The following LOXL2 variants were observed in gnomAD, a reference collection of about 807,000 sequenced individuals.
LOXL2 encodes the protein lysyl oxidase homolog 2.
In LOXL2, 70 loss-of-function variants were observed where a neutral mutation model predicts 93.0. The ratio of observed to expected loss-of-function variants is 0.75; its 90% CI spans 0.62 to 0.92. LOXL2 has a LOEUF of 0.92. LOXL2 is among the 40% of genes least tolerant of loss of function. LOXL2 has a pLI of 0.00. For synonymous variants in LOXL2, 438 were observed against 413.2 expected, an observed-to-expected ratio of 1.06 and a Z score of -0.73; for missense variants, 973 against 1,054.9, an observed-to-expected ratio of 0.92 and a Z score of 1.08.
In LOXL2 at chr8:23,341,084, G is replaced by A. The variant is rs373284696; in HGVS notation, c.651C>T (p.Ile217=). 2.5e-6 allele frequency: 4 copies of A among 1,614,002 alleles called. No individual in the cohort carries two copies. Among genetic ancestry groups the A allele is most frequent in the African/African-American group, 2.7e-5 (2 of 74,928 alleles). The part of the protein sequence containing the change: ...EVKEGKTWKQ[I]CDKHWTAKNS... ...TCTTGGCCGTCCAGTGCTTGTCACAGATCTGCTTCCAGGTCTTGCCCTCCT... is the reference window on the plus strand; with the variant it reads ...TCTTGGCCGTCCAGTGCTTGTCACAAATCTGCTTCCAGGTCTTGCCCTCCT... The change falls in exon 4 of 14, where the codon ATC becomes ATT. Residue 217 remains isoleucine, a synonymous_variant. Coordinates refer to ENST00000389131, the MANE Select transcript of LOXL2 (RefSeq NM_002318.3).
intron 4 of LOXL2, among the ~76,000 whole-genome samples, chr8:23,334,726 A>G (rs1028030450): frequency 6.6e-6 from 1 of 151,656 alleles, no homozygotes; most frequent in Non-Finnish European, 1.5e-5. Flanking sequence ...TAGATTGGCT[A>G]CCAAAAAGGA....
chr8:23,368,087 A>T lies in LOXL2; in HGVS notation c.265T>A (p.Ser89Thr), dbSNP rs1427834673. 1.9e-6 allele frequency: 3 copies of T among 1,614,064 alleles called. No homozygotes were observed. The South Asian group carries it at 3.3e-5, about 18-fold the overall frequency. Residue 89 changes from serine (S) to threonine (T), a missense_variant, in exon 2 of 14, where the codon TCC (serine) becomes ACC (threonine). Physicochemically the swap from Ser to Thr is moderately conservative, Grantham distance 58 (BLOSUM62 1). Transcript: ENST00000389131. ...CAGACGACGTGGGCAGCGTGGATGG[A>T]GAAGTCGTCATCGCACACGGTGCCC... ...QWGTVCDDDF[S>T]IHAAHVVCRE...
chr8:23,364,167 C>T (rs1467706121), intron 2 of LOXL2: 2 of 150,970 alleles, frequency 1.3e-5, no homozygotes, highest in African/African-American at 4.9e-5. Flanking sequence ...TGAGCCACTG[C>T]AAAGGGCCCT....
intron 8 of LOXL2, 130 bp downstream of exon 8, chr8:23,319,755 G>T (rs1585348399): frequency 9.9e-7 from 1 of 1,010,414 alleles, no homozygotes; most frequent in Non-Finnish European, 1.4e-6. Flanking sequence ...CCTGCCTCTG[G>T]GTCCAGGGCA....
rs745663415 is a variant in LOXL2, at chr8:23,297,950, G to T, written c.*93C>A. ...AGGGTGGGGGCCGGGCTGGGTGAGG[G>T]CACGTGGCATTCGTTCAGACTCAGT... is the stretch of plus-strand genomic sequence containing the variant. On this transcript the variant is annotated 3_prime_UTR_variant, in exon 14 of 14. Transcript: ENST00000389131. 4 of 1,055,706 alleles carry T rather than the reference G, an allele frequency of 3.8e-6. No individual in the cohort carries two copies. Among genetic ancestry groups the T allele is most frequent in the Non-Finnish European group, 5.8e-6 (4 of 694,224 alleles). The allele number at this position is 1,055,706 out of a possible 1,614,324, so 65.4% of individuals were successfully genotyped here. A position where few individuals can be genotyped will look rare whatever the true frequency, so the allele number is the denominator to read the frequency against.
chr8:23,375,845 C>A (rs10087553), intron 1 of LOXL2, among the ~76,000 whole-genome samples: 4 of 151,904 alleles, frequency 2.6e-5, no homozygotes, highest in Non-Finnish European at 5.9e-5. Flanking sequence ...TGGGCTGAGA[C>A]GATGGGGTTT....
At chr8:23,380,695 T>C (rs1038258689) in intron 1 of LOXL2, among the ~76,000 whole-genome samples, 1 of 151,960 alleles carries the variant, frequency 6.6e-6, no homozygotes, top group African/African-American at 2.4e-5. Context: ...TGAAAAAAAA[T>C]CTGGAAAACA....
chr8:23,358,424 C>T (rs1804232639), intron 3 of LOXL2, among the ~76,000 whole-genome samples: 1 of 152,222 alleles, frequency 6.6e-6, no homozygotes, highest in South Asian at 2.1e-4. Context: ...GGAGAACTTC[C>T]TCTGGAACCC....
At chr8:23,388,620 TACTCACACACAC>T (rs1194275581) in intron 1 of LOXL2, among the ~76,000 whole-genome samples, 35 of 70,612 alleles carry the variant, frequency 5.0e-4, no homozygotes, top group Non-Finnish European at 8.0e-4. Context: ...GCAAAAAATA[TACTCACACACAC>T]ACACACACAC....
intron 3 of LOXL2, among the ~76,000 whole-genome samples, chr8:23,346,441 C>T (rs760232413): frequency 3.2e-4 from 49 of 152,098 alleles, no homozygotes; most frequent in Non-Finnish European, 6.2e-4. Context: ...GATTTGCACC[C>T]GTTCCTAGAA....
chr8:23,345,728 C>CT (rs11458693), intron 3 of LOXL2, among the ~76,000 whole-genome samples: 62,924 of 151,792 alleles, frequency 0.41, 14,203 homozygotes, highest in African/African-American at 0.6. Context: ...TATACACACA[C>CT]TTTTTTTTCT....
chr8:23,319,834 G>A (rs1402183164), intron 8 of LOXL2, 51 bp downstream of exon 8: 10 of 1,581,654 alleles, frequency 6.3e-6, no homozygotes, highest in African/African-American at 1.3e-5. Flanking sequence ...AAGACAGTGT[G>A]GTCAGACTGC....
chr8:23,342,416 G>C (rs1478068800), intron 3 of LOXL2, among the ~76,000 whole-genome samples: 1 of 151,554 alleles, frequency 6.6e-6, no homozygotes, highest in African/African-American at 2.4e-5. Context: ...CCACCAAAGA[G>C]CCTCTTTTTT....
intron 9 of LOXL2, among the ~76,000 whole-genome samples, chr8:23,310,829 A>G (rs28454617): frequency 0.038 from 5,771 of 152,332 alleles, 362 homozygotes; most frequent in African/African-American, 0.13. Context: ...CACTGCACAT[A>G]GCAGGTGTTA....
chr8:23,328,722 T>TGTGC, intron 5 of LOXL2, 157 bp from the exon 6 acceptor site: 1 of 623,014 alleles, frequency 1.6e-6, no homozygotes. Flanking sequence ...TGTGTGTGTG[T>TGTGC]GTGTGTGTGT....
chr8:23,395,761 A>ACAATCCTG (rs1487287653), intron 1 of LOXL2, among the ~76,000 whole-genome samples: 1 of 152,032 alleles, frequency 6.6e-6, no homozygotes, highest in Non-Finnish European at 1.5e-5. Context: ...GCACAGTGGC[A>ACAATCCTG]CAATCCTGGC....
intron 8 of LOXL2, among the ~76,000 whole-genome samples, chr8:23,318,655 G>A (rs1803444615): frequency 6.6e-6 from 1 of 152,200 alleles, no homozygotes; most frequent in African/African-American, 2.4e-5. Flanking sequence ...TTAGGAATGA[G>A]CTGACTGGGA....
At chr8:23,372,422 T>C (rs1804511173) in intron 1 of LOXL2, among the ~76,000 whole-genome samples, 1 of 152,134 alleles carries the variant, frequency 6.6e-6, no homozygotes, top group African/African-American at 2.4e-5. Flanking sequence ...TTCACCATGT[T>C]GGCCAGGCTG....
At chr8:23,377,458 G>A (rs751703775) in intron 1 of LOXL2, among the ~76,000 whole-genome samples, 4 of 125,746 alleles carry the variant, frequency 3.2e-5, no homozygotes, top group Non-Finnish European at 6.8e-5. Flanking sequence ...TATTAGGTCC[G>A]CTTGGTGCAG....
Sources: gnomAD v4.1 joint callset for allele counts (sites outside exome capture counted in the v4.1 genomes callset) on GRCh38, gnomAD v4.1.1 for gene constraint, MANE v1.5 for transcripts, NCBI Gene and HGNC (gene_info 2026-07-23, HGNC 2026-07-21) for gene names.